MALRD1: variants seen among roughly 807,000 people sequenced by gnomAD.
MALRD1 encodes MAM and LDL receptor class A domain containing 1, also known as MAM and LDL-receptor class A domain-containing protein 1.
A neutral mutation model predicts 242.1 loss-of-function variants in MALRD1; 247 were observed. The observed-to-expected ratio is 1.02, with a 90% CI of 0.92 to 1.13. The LOEUF is 1.13. Among genes scored for constraint, MALRD1 ranks in the 50% most tolerant of loss-of-function variants. MALRD1 has a pLI of 0.00. For synonymous variants in MALRD1, 995 were observed against 866.6 expected, an observed-to-expected ratio of 1.15 and a Z score of -2.60; for missense variants, 2,989 against 2,533.1, an observed-to-expected ratio of 1.18 and a Z score of -3.86.
At chr10:19,290,962 T>C (rs1564534441) in intron 21 of MALRD1, among the ~76,000 whole-genome samples, 1 of 152,136 alleles carries the variant, frequency 6.6e-6, no homozygotes, top group African/African-American at 2.4e-5. Context: ...AGTGTTTCTA[T>C]AGTATGTAAA....
At chr10:19,454,448 CATAT>C (rs1472468717) in intron 29 of MALRD1, among the ~76,000 whole-genome samples, 2 of 90,374 alleles carry the variant, frequency 2.2e-5, no homozygotes, top group African/African-American at 9.1e-5. Context: ...ATGATACATA[CATAT>C]AAATTATATA....
chr10:19,281,226 A>G (rs966512950), intron 20 of MALRD1, among the ~76,000 whole-genome samples: 11 of 152,230 alleles, frequency 7.2e-5, no homozygotes, highest in African/African-American at 4.8e-5. Context: ...CCAGGGATTT[A>G]TATCATGCAT....
intron 36 of MALRD1, among the ~76,000 whole-genome samples, chr10:19,648,811 G>A (rs369355814): frequency 1.4e-3 from 210 of 152,190 alleles, no homozygotes; most frequent in African/African-American, 4.4e-3. Flanking sequence ...TGTGTCATGG[G>A]GATTTGTTGT....
intron 28 of MALRD1, among the ~76,000 whole-genome samples, chr10:19,408,606 A>C (rs1833136902): frequency 6.6e-6 from 1 of 152,248 alleles, no homozygotes; most frequent in Non-Finnish European, 1.5e-5. Context: ...GAAAATGGGC[A>C]AAAGATATAA....
rs138608256 is a variant in MALRD1 at position 19,486,261 on chromosome 10, A to T, written c.5030-5256A>T. ...TTTCTCCAATACTTCACAGACCAAC[A>T]TACCTTTGTAAGTCTGATCAGTTTT... On this transcript the variant is annotated intron_variant, in intron 29 of 39. Coordinates refer to ENST00000454679, the MANE Select transcript of MALRD1 (RefSeq NM_001142308.3). Among the ~76,000 whole-genome samples the T allele has an allele frequency of 2.6e-3, 389 of 152,324 alleles. 3 individuals are homozygous for T. Among genetic ancestry groups the T allele is most frequent in the African/African-American group, 8.6e-3 (358 of 41,580 alleles).
rs149262809 is a variant in MALRD1, at chr10:19,331,236, A to AAAAAAC, written c.3688-115_3688-110dup. 5 of 814,206 alleles carry AAAAAAC rather than the reference A, an allele frequency of 6.1e-6. No homozygotes were observed. The South Asian group carries it at 7.2e-5, about 12-fold the overall frequency. The allele number at this position is 814,206 out of a possible 1,614,324, so 50.4% of individuals were successfully genotyped here. On this transcript the variant is annotated intron_variant, in intron 23 of 39. Transcript: ENST00000454679. ...TGGGTCACTTTCAACATAGGGACATAAAAAACAAAAACAAAAACAAAAAAA... is the reference window on the plus strand; with the variant it reads ...TGGGTCACTTTCAACATAGGGACATAAAAAACAAAAACAAAAACAAAAACAAAAAAA...
intron 18 of MALRD1, among the ~76,000 whole-genome samples, chr10:19,245,285 T>C (rs956057672): frequency 8.5e-5 from 13 of 152,106 alleles, no homozygotes; most frequent in African/African-American, 3.1e-4. Context: ...TAGAAATAAA[T>C]AGAGAGCTCA....
chr10:19,685,873 T>A (rs1239244144), intron 36 of MALRD1, among the ~76,000 whole-genome samples: 1 of 152,132 alleles, frequency 6.6e-6, no homozygotes, highest in Non-Finnish European at 1.5e-5. Context: ...TGTGAACCAA[T>A]CTCATGGATT....
At chr10:19,544,564 G>T (rs1039200026) in intron 32 of MALRD1, among the ~76,000 whole-genome samples, 25 of 149,140 alleles carry the variant, frequency 1.7e-4, no homozygotes, top group Non-Finnish European at 3.1e-4. Flanking sequence ...TTTAATTGCT[G>T]TGCCTTTTTT....
At position 19,514,926 on chromosome 10, in the gene MALRD1, A is replaced by G. The variant is rs1234971570; in HGVS notation, c.5321-16268A>G. Among the ~76,000 whole-genome samples, 3 of 152,122 alleles carry G rather than the reference A, an allele frequency of 2.0e-5. No homozygotes were observed. In the East Asian group the frequency reaches 5.8e-4, roughly 29 times the overall value. Reference sequence around the variant, plus strand: ...TTGATATAAATGCTTATTTTTTTGGAAGACTTAAAAATAATTCCCTTCTAA... The same window carrying G: ...TTGATATAAATGCTTATTTTTTTGGGAGACTTAAAAATAATTCCCTTCTAA... On this transcript the variant is annotated intron_variant, in intron 31 of 39. Transcript: ENST00000454679.
At chr10:19,489,845 C>T (rs1197388987) in intron 29 of MALRD1, among the ~76,000 whole-genome samples, 4 of 152,168 alleles carry the variant, frequency 2.6e-5, no homozygotes, top group African/African-American at 7.2e-5. Context: ...ACTCCTTGAT[C>T]GTGGCTCTGC....
At chr10:19,474,624 A>AATATT (rs1472690856) in intron 29 of MALRD1, among the ~76,000 whole-genome samples, 1 of 152,148 alleles carries the variant, frequency 6.6e-6, no homozygotes, top group South Asian at 2.1e-4. Context: ...AACATCTGCT[A>AATATT]ATATTATTTT....
intron 12 of MALRD1, among the ~76,000 whole-genome samples, chr10:19,158,536 G>C (rs1834263811): frequency 6.6e-6 from 1 of 152,152 alleles, no homozygotes; most frequent in Non-Finnish European, 1.5e-5. Flanking sequence ...TCAGATTCAA[G>C]GAAGTAAAGA....
At chr10:19,718,119 A>AGAAGAAGAG (rs1309723347) in intron 38 of MALRD1, among the ~76,000 whole-genome samples, 2 of 145,744 alleles carry the variant, frequency 1.4e-5, no homozygotes, top group Non-Finnish European at 2.9e-5. Flanking sequence ...AAGAAGAAGA[A>AGAAGAAGAG]GAAGAAGAGG....
intron 5 of MALRD1, among the ~76,000 whole-genome samples, chr10:19,111,042 C>A (rs1836660548): frequency 6.6e-6 from 1 of 152,136 alleles, no homozygotes; most frequent in African/African-American, 2.4e-5. Flanking sequence ...ATTTTGCTAT[C>A]ATTTTAGATA....
intron 28 of MALRD1, among the ~76,000 whole-genome samples, chr10:19,433,139 A>G (rs1834211901): frequency 6.6e-6 from 1 of 152,178 alleles, no homozygotes; most frequent in South Asian, 2.1e-4. Context: ...ACAGATATTT[A>G]TCAGGTTATC....
At chr10:19,404,650 C>G (rs1196635750) in intron 28 of MALRD1, among the ~76,000 whole-genome samples, 1 of 151,994 alleles carries the variant, frequency 6.6e-6, no homozygotes. Flanking sequence ...AATAGAGTCA[C>G]TTTGTTTTCC....
At chr10:19,078,438 G>A (rs370041432) in intron 2 of MALRD1, among the ~76,000 whole-genome samples, 1 of 151,782 alleles carries the variant, frequency 6.6e-6, no homozygotes, top group Non-Finnish European at 1.5e-5. Context: ...TTTTTAAAAT[G>A]TGTTGCTTGA....
rs372443332 is a variant in MALRD1, at chr10:19,068,335, T to C, written c.340+1476T>C. On this transcript the variant is annotated intron_variant, in intron 2 of 39. Coordinates refer to ENST00000454679, the MANE Select transcript of MALRD1 (RefSeq NM_001142308.3). ...TCGTTTTTTTTATGCATATTTTTAA[T>C]TGCCTAGTCAAGAGGTAAAATGGGG... 2.4e-3 allele frequency among the ~76,000 whole-genome samples: 359 copies of C among 152,132 alleles called. 2 individuals carry two copies. The highest frequency in any genetic ancestry group is 0.016 in the South Asian group (77 of 4,824).
Sources: allele counts gnomAD v4.1 joint callset (sites outside exome capture counted in the v4.1 genomes callset), GRCh38; gene constraint gnomAD v4.1.1; transcripts MANE v1.5; gene names NCBI Gene and HGNC (gene_info 2026-07-23, HGNC 2026-07-21).